MMP14: variants seen among roughly 807,000 people sequenced by gnomAD.
MMP14 encodes matrix metallopeptidase 14, also known as matrix metalloproteinase-14.
Under a neutral mutation model 64.8 loss-of-function variants are expected in MMP14, and 13 were observed. The observed-to-expected ratio is 0.20, with a 90% confidence interval of 0.13 to 0.32. MMP14 has a LOEUF of 0.32. MMP14 is among the 10% of genes least tolerant of loss of function. The pLI is 1.00. For synonymous variants in MMP14, 322 were observed against 315.9 expected (o/e 1.02, Z -0.20); for missense variants, 594 against 783.8 (o/e 0.76, Z 2.89).
chr14:22,847,487 G>A lies in MMP14; in HGVS notation c.*1448G>A, dbSNP rs2039824094. On this transcript the variant is annotated 3_prime_UTR_variant, in exon 10 of 10. Coordinates refer to ENST00000311852, the MANE Select transcript of MMP14 (RefSeq NM_004995.4). ...TGTCGGGGGGGTGGGGCACGGGGTA[G>A]GGGAAATGGGGTGAACGGTGCTGGC... 2 of 152,182 alleles carry A rather than the reference G, an allele frequency of 1.3e-5. No homozygotes were observed. Among genetic ancestry groups the A allele is most frequent in the South Asian group, 2.1e-4 (1 of 4,816 alleles). The allele number at this position is 152,182 out of a possible 1,614,324, so 9.4% of individuals were successfully genotyped here. A position where few individuals can be genotyped will look rare whatever the true frequency, so the allele number is the denominator to read the frequency against.
In MMP14 at chr14:22,843,226, G is replaced by A; in HGVS notation, c.689-31G>A. On this transcript the variant is annotated intron_variant, in intron 4 of 9. Transcript: ENST00000311852. The surrounding 1 kb of genome is among the most constrained non-coding windows in gnomAD (Gnocchi z 4.8). ...AGGGAGGCTGAGGGAAGGGACTCAG[G>A]CTGCTATCGTCACTGTCCCCATCCT... is the stretch of plus-strand genomic sequence containing the variant. 1 of 1,594,654 alleles carries A rather than the reference G, an allele frequency of 6.3e-7. No homozygotes were observed. The highest frequency in any genetic ancestry group is 1.1e-5 in the South Asian group (1 of 89,898).
intron 6 of MMP14, among the ~76,000 whole-genome samples, 156 bp from the exon 7 acceptor site, chr14:22,844,215 G>GT (rs2039795237): frequency 6.6e-6 from 1 of 151,870 alleles, no homozygotes; most frequent in Admixed American, 6.6e-5. Context: ...AAAAGGCGGG[G>GT]GGGTACTCTG....
chr14:22,845,880 C>G lies in MMP14; in HGVS notation c.1590C>G (p.Asp530Glu), dbSNP rs767065741. The G allele has an allele frequency of 5.0e-6, 8 of 1,613,810 alleles. No homozygotes were observed. The Admixed American group carries it at 1.2e-4, about 24-fold the overall frequency. The change falls in exon 10 of 10, where the codon GAC (aspartate) becomes GAG (glutamate). Residue 530 changes from aspartate to glutamate, a missense_variant. By Grantham distance (45) the Asp-to-Glu change is conservative. Coordinates refer to ENST00000311852, the MANE Select transcript of MMP14 (RefSeq NM_004995.4). ...CGGAGGTGATCATCATTGAGGTGGACGAGGAGGGCGGCGGGGCGGTGAGCG... is the reference window on the plus strand; with the variant it reads ...CGGAGGTGATCATCATTGAGGTGGAGGAGGAGGGCGGCGGGGCGGTGAGCG... ...EETEVIIIEVDEEGGGAVSAA... is the reference protein window; with the variant it reads ...EETEVIIIEVEEEGGGAVSAA...
intron 9 of MMP14, 91 bp from the exon 10 acceptor site, chr14:22,845,617 T>C: frequency 2.3e-6 from 3 of 1,327,778 alleles, no homozygotes; most frequent in Non-Finnish European, 3.2e-6. Flanking sequence ...GAAGCTCAGC[T>C]GCCCTCACAT....
chr14:22,843,461 G>C lies in MMP14; in HGVS notation c.850+43G>C. ...ACGCCTGCTCCCTCCTCTGCTGCTT[G>C]TTCCCTCCTGGTCTACGCATTTCCC... is the stretch of plus-strand genomic sequence containing the variant. On this transcript the variant is annotated intron_variant, in intron 5 of 9. Transcript: ENST00000311852. The surrounding 1 kb of genome is among the most constrained non-coding windows in gnomAD (Gnocchi z 4.8). 1 of 1,590,810 alleles carries C rather than the reference G, an allele frequency of 6.3e-7. No homozygotes were observed. The highest frequency in any genetic ancestry group is 8.6e-7 in the Non-Finnish European group (1 of 1,166,664).
Position 22,843,359 on chromosome 14 carries a change from T to C in MMP14, c.791T>C (p.Met264Thr). ...SAIMAPFYQW[M>T]DTENFVLPDD... ...ATCATGGCACCCTTTTACCAGTGGA[T>C]GGACACGGAGAATTTTGTGCTGCCC... The change falls in exon 5 of 10, where the codon ATG (methionine) becomes ACG (threonine). Residue 264 changes from methionine to threonine, a missense_variant. Transcript: ENST00000311852. This position sits in a 1 kb window ranked among gnomAD's most constrained non-coding sequence, Gnocchi z 4.8. 2 of 1,614,076 alleles carry C rather than the reference T, an allele frequency of 1.2e-6. No individual in the cohort carries two copies. The highest frequency in any genetic ancestry group is 2.7e-5 in the African/African-American group (2 of 75,034).
chr14:22,841,653 C>A lies in MMP14; in HGVS notation c.257+14C>A. The A allele has an allele frequency of 6.2e-7, 1 of 1,613,564 alleles. No homozygotes were observed. The highest frequency in any genetic ancestry group is 8.5e-7 in the Non-Finnish European group (1 of 1,179,900). On this transcript the variant is annotated intron_variant, in intron 2 of 9. Coordinates refer to ENST00000311852, the MANE Select transcript of MMP14 (RefSeq NM_004995.4). ...AGACACCATGAAGTAAGTGCTAGACCCTGGCAGGAGTTCTGCCTAGCATCC... is the reference window on the plus strand; with the variant it reads ...AGACACCATGAAGTAAGTGCTAGACACTGGCAGGAGTTCTGCCTAGCATCC...
In MMP14 at chr14:22,844,525, A is replaced by G; in HGVS notation, c.1150+16A>G. The stretch of plus-strand genomic sequence containing the variant: ...TTCTTCAAAGGTAACCAGGCACTCC[A>G]CTTTAGTCTTTGGGAGTGAGGCGGG... On this transcript the variant is annotated intron_variant, in intron 7 of 9. Coordinates refer to ENST00000311852, the MANE Select transcript of MMP14 (RefSeq NM_004995.4). 2.5e-6 allele frequency: 4 copies of G among 1,614,058 alleles called. No individual in the cohort carries two copies. The highest frequency in any genetic ancestry group is 3.4e-6 in the Non-Finnish European group (4 of 1,179,970).
Position 22,843,509 on chromosome 14 carries a change from C to T in MMP14, c.850+91C>T, listed in dbSNP as rs2236303. On this transcript the variant is annotated intron_variant, in intron 5 of 9. Coordinates refer to ENST00000311852, the MANE Select transcript of MMP14 (RefSeq NM_004995.4). This position sits in a 1 kb window ranked among gnomAD's most constrained non-coding sequence, Gnocchi z 4.8. ...CCCCTCTTTTATGCCTTGCAGTCTC[C>T]GCACCGCCCCCTGCCAACCTGCCCC... is the stretch of plus-strand genomic sequence containing the variant. The T allele has an allele frequency of 0.31, 463,686 of 1,491,366 alleles. 75,849 individuals are homozygous for T. The highest frequency in any genetic ancestry group is 0.48 in the East Asian group (21,205 of 43,872). 92.4% of individuals were successfully genotyped at this position (1,491,366 alleles called of 1,614,324 possible).
At chr14:22,836,971 G>A (rs771623670) in intron 1 of MMP14, 46 bp downstream of exon 1, 36 of 1,497,248 alleles carry the variant, frequency 2.4e-5, no homozygotes, top group African/African-American at 8.3e-5. Flanking sequence ...CCGCCGGGAG[G>A]CGAGCCCGGG....
At chr14:22,844,120 C>T (rs2039794023) in intron 6 of MMP14, among the ~76,000 whole-genome samples, 1 of 151,372 alleles carries the variant, frequency 6.6e-6, no homozygotes, top group African/African-American at 2.4e-5. Context: ...TCACGTGAAC[C>T]TGGGAGGTGG....
Position 22,836,868 on chromosome 14 carries a change from G to A in MMP14, c.51G>A (p.Thr17=), listed in dbSNP as rs1192339188. ...GTTGTCTCCTGCTCCCCCTGCTCAC[G>A]CTCGGCACCGCGCTCGCCTCCCTCG... The part of the protein sequence containing the change: ...PPRCLLLPLL[T]LGTALASLGS... The change falls in exon 1 of 10, where the codon ACG becomes ACA. Residue 17 remains threonine (T), a synonymous_variant. Coordinates refer to ENST00000311852, the MANE Select transcript of MMP14 (RefSeq NM_004995.4). 4.3e-6 allele frequency: 7 copies of A among 1,613,512 alleles called. No individual in the cohort carries two copies. The highest frequency in any genetic ancestry group is 5.1e-6 in the Non-Finnish European group (6 of 1,179,714).
chr14:22,837,544 G>A (rs1390902121), intron 1 of MMP14: 1 of 361,134 alleles, frequency 2.8e-6, no homozygotes, highest in East Asian at 7.5e-5. Flanking sequence ...GGGTCGCAGC[G>A]CCGGCGCGCT....
chr14:22,840,224 C>T (rs1333602762), intron 1 of MMP14, among the ~76,000 whole-genome samples: 1 of 152,118 alleles, frequency 6.6e-6, no homozygotes, highest in Non-Finnish European at 1.5e-5. Flanking sequence ...GCCTTGGCCT[C>T]CCAAACTGTC....
chr14:22,837,697 G>A (rs1468005541), intron 1 of MMP14, among the ~76,000 whole-genome samples: 1 of 152,252 alleles, frequency 6.6e-6, no homozygotes, highest in Non-Finnish European at 1.5e-5. Flanking sequence ...CAGGGAGCCT[G>A]GGGGCGTCGC....
intron 8 of MMP14, among the ~76,000 whole-genome samples, chr14:22,845,014 G>A (rs555339532): frequency 1.3e-5 from 2 of 152,164 alleles, no homozygotes; most frequent in African/African-American, 4.8e-5. Context: ...CCAGCACTGC[G>A]CCTCCACCCC....
chr14:22,846,191 C>A lies in MMP14; in HGVS notation c.*152C>A. ...TCTGTCCCCTGGCTGGCCTCCTTCA[C>A]CCTGACCGCCTCCCTCCCTCCTGCC... is the stretch of plus-strand genomic sequence containing the variant. On this transcript the variant is annotated 3_prime_UTR_variant, in exon 10 of 10. Coordinates refer to ENST00000311852, the MANE Select transcript of MMP14 (RefSeq NM_004995.4). 1 of 714,888 alleles carries A rather than the reference C, an allele frequency of 1.4e-6. No individual in the cohort carries two copies. Among genetic ancestry groups the A allele is most frequent in the Non-Finnish European group, 2.2e-6 (1 of 446,814 alleles). 44.3% of individuals were successfully genotyped at this position (714,888 alleles called of 1,614,324 possible). A position where few individuals can be genotyped will look rare whatever the true frequency, so the allele number is the denominator to read the frequency against.
At position 22,843,951 on chromosome 14, in the gene MMP14, T is replaced by G. The variant is rs2039792650; in HGVS notation, c.1011+81T>G. Reference sequence around the variant, plus strand: ...TGGCTCATGCCTGTAATCCTAGCACTTTGAGAGGCCAAGGCAGGTGGATCA... The same window carrying G: ...TGGCTCATGCCTGTAATCCTAGCACGTTGAGAGGCCAAGGCAGGTGGATCA... On this transcript the variant is annotated intron_variant, in intron 6 of 9. Coordinates refer to ENST00000311852, the MANE Select transcript of MMP14 (RefSeq NM_004995.4). The surrounding 1 kb of genome is among the most constrained non-coding windows in gnomAD (Gnocchi z 4.8). The G allele has an allele frequency of 6.5e-7, 1 of 1,547,022 alleles. No homozygotes were observed. Among genetic ancestry groups the G allele is most frequent in the Non-Finnish European group, 8.7e-7 (1 of 1,146,022 alleles).
In MMP14 at chr14:22,836,758, C is replaced by T; in HGVS notation, c.-60C>T. 1 of 1,088,592 alleles carries T rather than the reference C, an allele frequency of 9.2e-7. No individual in the cohort carries two copies. The highest frequency in any genetic ancestry group is 2.6e-5 in the East Asian group (1 of 37,978). The allele number at this position is 1,088,592 out of a possible 1,614,324, so 67.4% of individuals were successfully genotyped here. A position where few individuals can be genotyped will look rare whatever the true frequency, so the allele number is the denominator to read the frequency against. Reference sequence around the variant, plus strand: ...GCCCCGAGGGAGTGGCGGTGCGACCCCAGGGCGTGGGCCCGGCCGCGGAGC... The same window carrying T: ...GCCCCGAGGGAGTGGCGGTGCGACCTCAGGGCGTGGGCCCGGCCGCGGAGC... On this transcript the variant is annotated 5_prime_UTR_variant, in exon 1 of 10. Coordinates refer to ENST00000311852, the MANE Select transcript of MMP14 (RefSeq NM_004995.4).
Sources: allele counts gnomAD v4.1 joint callset (sites outside exome capture counted in the v4.1 genomes callset), GRCh38; gene constraint gnomAD v4.1.1; non-coding constraint Gnocchi (gnomAD v3.1); transcripts MANE v1.5; gene names NCBI Gene and HGNC (gene_info 2026-07-23, HGNC 2026-07-21).